The following MEIS2 variants were observed in gnomAD, a reference collection of about 807,000 sequenced individuals.
The protein encoded by MEIS2 is Meis homeobox 2.
Under a neutral mutation model 58.6 loss-of-function variants are expected in MEIS2, and 9 were observed. That is an observed-to-expected ratio of 0.15 (90% CI 0.09 to 0.27). MEIS2 has a LOEUF of 0.27. Ranked by LOEUF, MEIS2 falls within the 10% of genes least tolerant of loss-of-function variation. MEIS2 has a pLI of 1.00. For synonymous variants in MEIS2, 221 were observed against 228.4 expected, an observed-to-expected ratio of 0.97 and a Z score of 0.29; for missense variants, 427 against 635.0, an observed-to-expected ratio of 0.67 and a Z score of 3.52.
rs150470779 is a variant in MEIS2 at position 37,093,602 on chromosome 15, G to A, written c.618C>T (p.Ser206=). 3.6e-5 allele frequency: 58 copies of A among 1,614,060 alleles called. No homozygotes were observed. The highest frequency in any genetic ancestry group is 5.0e-5 in the Admixed American group (3 of 60,002). Residue 206 remains serine, a synonymous_variant, in exon 6 of 12, where the codon TCC becomes TCT. Transcript: ENST00000561208. ...SKSDHEELSG[S]STNLADHNPS... ...TTACATGGTCAGCGAGATTTGTGGA[G>A]GAGCCTGAAAGTTCTTCATGATCTG...
chr15:37,077,353 C>T (rs1428506110), intron 7 of MEIS2, among the ~76,000 whole-genome samples: 2 of 151,994 alleles, frequency 1.3e-5, no homozygotes, highest in African/African-American at 4.8e-5. Flanking sequence ...AGCCCCCTAC[C>T]CAATCCATTT....
intron 6 of MEIS2, among the ~76,000 whole-genome samples, chr15:37,092,697 T>C (rs1477328676): frequency 2.8e-4 from 5 of 17,674 alleles, no homozygotes; most frequent in South Asian, 4.2e-3. Context: ...CTACATATGC[T>C]TTTTTTTTTT....
At chr15:37,046,276 T>C (rs1240840866) in intron 7 of MEIS2, among the ~76,000 whole-genome samples, 1 of 152,162 alleles carries the variant, frequency 6.6e-6, no homozygotes, top group Non-Finnish European at 1.5e-5. Context: ...AACTGCTCAC[T>C]AACTCAGTGA....
chr15:37,094,698 TG>T, intron 4 of MEIS2, 121 bp from the exon 5 acceptor site: 1 of 719,108 alleles, frequency 1.4e-6, no homozygotes, highest in Non-Finnish European at 2.3e-6. Flanking sequence ...AACGGGCAGG[TG>T]GCCAGGAAAA....
intron 7 of MEIS2, among the ~76,000 whole-genome samples, chr15:37,056,704 C>G (rs1888470717): frequency 6.6e-6 from 1 of 152,222 alleles, no homozygotes; most frequent in Non-Finnish European, 1.5e-5. Context: ...CCATAACCCT[C>G]CTCAGCCCTC....
intron 7 of MEIS2, among the ~76,000 whole-genome samples, chr15:37,057,117 C>T (rs1373271101): frequency 6.6e-6 from 1 of 152,178 alleles, no homozygotes; most frequent in African/African-American, 2.4e-5. Context: ...CGGCACCTAG[C>T]CTGTAACTGG....
intron 6 of MEIS2, among the ~76,000 whole-genome samples, chr15:37,092,762 T>G (rs996399029): frequency 7.5e-6 from 1 of 133,996 alleles, no homozygotes; most frequent in Non-Finnish European, 1.6e-5. Context: ...TCAGACTCAC[T>G]AGATTGGTTC....
intron 8 of MEIS2, among the ~76,000 whole-genome samples, chr15:37,026,969 A>T (rs1254712191): frequency 6.6e-6 from 1 of 152,202 alleles, no homozygotes; most frequent in East Asian, 1.9e-4. Context: ...AGCAAATGTA[A>T]AAGCATGAAA....
intron 8 of MEIS2, among the ~76,000 whole-genome samples, chr15:36,980,370 A>C (rs2059893585): frequency 6.6e-6 from 1 of 152,288 alleles, no homozygotes; most frequent in East Asian, 1.9e-4. Context: ...TTTACAAAAG[A>C]AAGAGGTTTA....
rs748953512 is a variant in MEIS2 at position 37,087,153 on chromosome 15, CA to C, written c.640-3269del. On this transcript the variant is annotated intron_variant, in intron 6 of 11. Transcript: ENST00000561208. ...GGGTGCCCGTGTATGACTGAGCATT[CA>C]GGTATATGCATGCCACAATATATGT... Among the ~76,000 whole-genome samples, 231 of 152,218 alleles carry C rather than the reference CA, an allele frequency of 1.5e-3. 2 individuals carry two copies. Among genetic ancestry groups the C allele is most frequent in the Non-Finnish European group, 2.6e-3 (180 of 68,010 alleles).
chr15:37,045,305 C>A (rs1186994459), intron 7 of MEIS2, among the ~76,000 whole-genome samples: 2 of 152,072 alleles, frequency 1.3e-5, no homozygotes, highest in African/African-American at 4.8e-5. Flanking sequence ...GACTAATTTT[C>A]CGTCATCACT....
At chr15:37,000,753 T>G (rs919475859) in intron 8 of MEIS2, among the ~76,000 whole-genome samples, 2 of 152,196 alleles carry the variant, frequency 1.3e-5, no homozygotes, top group Admixed American at 1.3e-4. Flanking sequence ...TACCAGATCC[T>G]TTCTTCTTGT....
intron 8 of MEIS2, among the ~76,000 whole-genome samples, chr15:37,022,552 G>A (rs1262141041): frequency 6.6e-6 from 1 of 151,218 alleles, no homozygotes; most frequent in African/African-American, 2.4e-5. Context: ...CCAGGCCAAT[G>A]CTGAACATTT....
chr15:36,976,833 T>A (rs1324371772), intron 8 of MEIS2, among the ~76,000 whole-genome samples: 2 of 152,012 alleles, frequency 1.3e-5, no homozygotes, highest in East Asian at 3.9e-4. Context: ...ACTTAAAAAC[T>A]CAAATAGGGG....
chr15:36,908,361 C>T (rs1201257147), intron 9 of MEIS2, among the ~76,000 whole-genome samples: 1 of 152,164 alleles, frequency 6.6e-6, no homozygotes, highest in Non-Finnish European at 1.5e-5. Flanking sequence ...TATGCCACAT[C>T]TGCTTTAGTC....
chr15:36,980,835 C>G (rs1167881742), intron 8 of MEIS2, among the ~76,000 whole-genome samples: 2 of 152,048 alleles, frequency 1.3e-5, no homozygotes, highest in Non-Finnish European at 2.9e-5. Flanking sequence ...CCTATACTGT[C>G]TCTTCTGTTC....
At chr15:36,972,745 C>T (rs1461999816) in intron 8 of MEIS2, 1 of 152,012 alleles carries the variant, frequency 6.6e-6, no homozygotes, top group African/African-American at 2.4e-5. Flanking sequence ...ATAACAAATT[C>T]TTTTTTTCTA....
intron 9 of MEIS2, among the ~76,000 whole-genome samples, chr15:36,922,661 C>T (rs1262401651): frequency 7.0e-6 from 1 of 142,584 alleles, no homozygotes; most frequent in Non-Finnish European, 1.5e-5. Flanking sequence ...CTCTTTCTTG[C>T]CCAAGCTGGA....
intron 8 of MEIS2, among the ~76,000 whole-genome samples, chr15:37,034,594 C>A (rs1388398639): frequency 2.6e-5 from 4 of 152,180 alleles, no homozygotes. Flanking sequence ...ATGCTGGGTG[C>A]CGCCCTGGGC....
Sources: allele counts gnomAD v4.1 joint callset (sites outside exome capture counted in the v4.1 genomes callset), GRCh38; gene constraint gnomAD v4.1.1; transcripts MANE v1.5; gene names NCBI Gene and HGNC (gene_info 2026-07-23, HGNC 2026-07-21).